The following RHOBTB1 variants were observed in gnomAD, a reference collection of about 807,000 sequenced individuals.
RHOBTB1 encodes Rho related BTB domain containing 1.
A neutral mutation model predicts 71.6 loss-of-function variants in RHOBTB1; 40 were observed. The observed-to-expected ratio is 0.56, with a 90% CI of 0.43 to 0.73. RHOBTB1 has a LOEUF of 0.73. Among genes scored for constraint, RHOBTB1 ranks in the 30% least tolerant of loss-of-function variants. RHOBTB1 has a pLI of 0.00. For synonymous variants in RHOBTB1, 319 were observed against 334.9 expected, an observed-to-expected ratio of 0.95 and a Z score of 0.52; for missense variants, 797 against 894.0, an observed-to-expected ratio of 0.89 and a Z score of 1.38.
intron 2 of RHOBTB1, among the ~76,000 whole-genome samples, chr10:60,974,401 A>G (rs1565171175): frequency 6.6e-6 from 1 of 152,112 alleles, no homozygotes; most frequent in Non-Finnish European, 1.5e-5. Flanking sequence ...TTGTTTTTCA[A>G]ATTTCAAGAT....
chr10:60,889,215 C>T lies in RHOBTB1; in HGVS notation c.483-30G>A, dbSNP rs772381721. 6 of 1,564,844 alleles carry T rather than the reference C, an allele frequency of 3.8e-6. No individual in the cohort carries two copies. In the South Asian group the frequency reaches 6.0e-5, roughly 16 times the overall value. ...AATAGAACATTTTAAAAATTATAAT[C>T]AGCCTTGTTTTAGGAAAAAAACAGT... On this transcript the variant is annotated intron_variant, in intron 5 of 10. Transcript: ENST00000337910.
At chr10:60,954,198 G>A (rs1039376611) in intron 2 of RHOBTB1, among the ~76,000 whole-genome samples, 10 of 152,152 alleles carry the variant, frequency 6.6e-5, no homozygotes, top group African/African-American at 2.4e-4. Context: ...GCTCCTGTGG[G>A]AGAATTTCCT....
At chr10:60,915,966 C>T (rs1257284705) in intron 2 of RHOBTB1, among the ~76,000 whole-genome samples, 1 of 152,120 alleles carries the variant, frequency 6.6e-6, no homozygotes, top group Non-Finnish European at 1.5e-5. Flanking sequence ...TGTTGTCATC[C>T]AGAAACATTT....
intron 2 of RHOBTB1, among the ~76,000 whole-genome samples, chr10:60,927,485 A>G (rs2083952842): frequency 6.6e-6 from 1 of 152,172 alleles, no homozygotes; most frequent in Non-Finnish European, 1.5e-5. Context: ...TATAGTAACC[A>G]AAAAAGCATG....
At chr10:60,952,895 T>G (rs2085462954) in intron 2 of RHOBTB1, among the ~76,000 whole-genome samples, 1 of 152,128 alleles carries the variant, frequency 6.6e-6, no homozygotes, top group African/African-American at 2.4e-5. Flanking sequence ...GTGGATCAGG[T>G]GTCGATGAGC....
intron 4 of RHOBTB1, among the ~76,000 whole-genome samples, chr10:60,904,187 T>G (rs759392677): frequency 3.9e-5 from 6 of 152,190 alleles, no homozygotes; most frequent in African/African-American, 1.2e-4. Context: ...CCTCAAGTGA[T>G]CCACCTGCCT....
chr10:60,938,539 T>C (rs537525167), intron 2 of RHOBTB1, among the ~76,000 whole-genome samples: 2 of 152,330 alleles, frequency 1.3e-5, no homozygotes, highest in South Asian at 4.1e-4. Flanking sequence ...TTTAAGATTG[T>C]GACAACTTCC....
the RHOBTB1 span, among the ~76,000 whole-genome samples, chr10:60,862,450 C>T: frequency 2.3e-4 from 35 of 151,842 alleles, no homozygotes; most frequent in African/African-American, 7.0e-4. Context: ...CGCCTACCTC[C>T]GCCTCCCAAA....
At chr10:60,967,588 T>C (rs1290378500) in intron 2 of RHOBTB1, among the ~76,000 whole-genome samples, 1 of 152,038 alleles carries the variant, frequency 6.6e-6, no homozygotes, top group Non-Finnish European at 1.5e-5. Flanking sequence ...TTGTTGTTTA[T>C]GTCAAGGAGA....
chr10:60,862,560 T>G, the RHOBTB1 span, among the ~76,000 whole-genome samples: 2 of 151,838 alleles, frequency 1.3e-5, no homozygotes, highest in African/African-American at 4.8e-5. Context: ...CTTTCCTTTC[T>G]TCTTTCTTTC....
intron 4 of RHOBTB1, among the ~76,000 whole-genome samples, chr10:60,908,537 T>A (rs563136375): frequency 6.6e-6 from 1 of 152,280 alleles, no homozygotes; most frequent in Non-Finnish European, 1.5e-5. Flanking sequence ...ATGATTCCTC[T>A]CCTTCACAAA....
At chr10:60,986,221 T>C (rs73268016) in intron 1 of RHOBTB1, among the ~76,000 whole-genome samples, 2 of 151,806 alleles carry the variant, frequency 1.3e-5, no homozygotes, top group Non-Finnish European at 2.9e-5. Context: ...TGGTGATGCT[T>C]CCCTCATCTT....
chr10:60,938,787 A>C (rs2084744405), intron 2 of RHOBTB1, among the ~76,000 whole-genome samples: 1 of 152,132 alleles, frequency 6.6e-6, no homozygotes, highest in African/African-American at 2.4e-5. Flanking sequence ...GTTGGGTGCA[A>C]ATCCAAGCTC....
intron 7 of RHOBTB1, among the ~76,000 whole-genome samples, chr10:60,882,774 C>A (rs540847474): frequency 6.6e-6 from 1 of 152,158 alleles, no homozygotes; most frequent in South Asian, 2.1e-4. Context: ...CTATAACCAC[C>A]TGTATTGTAC....
intron 2 of RHOBTB1, among the ~76,000 whole-genome samples, chr10:60,973,460 GT>G (rs2086226205): frequency 6.6e-6 from 1 of 151,918 alleles, no homozygotes; most frequent in Non-Finnish European, 1.5e-5. Flanking sequence ...TTTTGTTGTT[GT>G]TTTTAATTAG....
In RHOBTB1 at chr10:60,888,207, C is replaced by T; in HGVS notation, c.1456+5G>A. On this transcript the variant is annotated splice_donor_5th_base_variant and intron_variant, in intron 6 of 10. Transcript: ENST00000337910. ...ATTAATGGCTCTGCCCCGCGGCCCA[C>T]TCACCCGAGAACGTTCCCTTGCTGA... is the stretch of plus-strand genomic sequence containing the variant. 1.2e-6 allele frequency: 2 copies of T among 1,609,310 alleles called. No homozygotes were observed. The highest frequency in any genetic ancestry group is 1.7e-6 in the Non-Finnish European group (2 of 1,176,768).
chr10:60,875,130 A>G (rs1194522262), intron 8 of RHOBTB1, 88 bp from the exon 9 acceptor site: 1 of 884,862 alleles, frequency 1.1e-6, no homozygotes, highest in African/African-American at 1.6e-5. Context: ...GGACGACTTA[A>G]GAAGGGAGGA....
intron 2 of RHOBTB1, among the ~76,000 whole-genome samples, chr10:60,973,474 C>T (rs2086226551): frequency 6.6e-6 from 1 of 152,034 alleles, no homozygotes; most frequent in South Asian, 2.1e-4. Context: ...TTAATTAGCA[C>T]TTCATTTCTG....
chr10:60,942,060 T>A (rs1231195019), intron 1 of RHOBTB1, among the ~76,000 whole-genome samples: 3 of 151,996 alleles, frequency 2.0e-5, no homozygotes, highest in Non-Finnish European at 2.9e-5. Context: ...TTTTGCAGGA[T>A]TTGTGAAAAT....
Sources: gnomAD v4.1 joint callset for allele counts (sites outside exome capture counted in the v4.1 genomes callset) on GRCh38, gnomAD v4.1.1 for gene constraint, MANE v1.5 for transcripts, NCBI Gene and HGNC (gene_info 2026-07-23, HGNC 2026-07-21) for gene names.